Variants in ABCC11 observed in about 807,000 individuals in gnomAD.
ABCC11 encodes the protein ATP-binding cassette sub-family C member 11.
Under a neutral mutation model 149.3 loss-of-function variants are expected in ABCC11, and 135 were observed. The ratio of observed to expected loss-of-function variants is 0.90; its 90% CI spans 0.79 to 1.04. The LOEUF is 1.04. Ranked by LOEUF, ABCC11 falls within the 50% of genes least tolerant of loss-of-function variation. ABCC11 has a pLI of 0.00. For missense variants in ABCC11, 1,680 were observed against 1,722.1 expected, an observed-to-expected ratio of 0.98 and a Z score of 0.43; for synonymous variants, 665 against 671.4, an observed-to-expected ratio of 0.99 and a Z score of 0.15.
chr16:48,232,021 G>C, intron 1 of ABCC11, 82 bp from the exon 2 acceptor site: 1 of 1,585,564 alleles, frequency 6.3e-7, no homozygotes, highest in Non-Finnish European at 8.6e-7. Flanking sequence ...AGCCAGAAGA[G>C]GGGGCACTAC....
Position 48,231,828 on chromosome 16 carries a change from T to C in ABCC11, c.94A>G (p.Ile32Val). ...DIGDDMVSGLIYKTYTLQDGP... is the reference protein window; with the variant it reads ...DIGDDMVSGLVYKTYTLQDGP... Reference sequence around the variant, plus strand: ...ATGCTAAGAGATCTACTTACATAAATAAGTCCTGAAACCATGTCATCGCCT... The same window carrying C: ...ATGCTAAGAGATCTACTTACATAAACAAGTCCTGAAACCATGTCATCGCCT... Residue 32 changes from isoleucine to valine, a missense_variant, in exon 2 of 30, where the codon ATT becomes GTT. Coordinates refer to ENST00000356608, the MANE Select transcript of ABCC11 (RefSeq NM_001370497.1). 1 of 1,614,066 alleles carries C rather than the reference T, an allele frequency of 6.2e-7. No homozygotes were observed. The highest frequency in any genetic ancestry group is 1.3e-5 in the African/African-American group (1 of 75,036).
At chr16:48,169,761 T>A (rs1965576396) in intron 28 of ABCC11, among the ~76,000 whole-genome samples, 2 of 105,340 alleles carry the variant, frequency 1.9e-5, no homozygotes, top group Non-Finnish European at 3.5e-5. Context: ...CACTGGGGCC[T>A]GTCGTGGGGT....
At chr16:48,223,471 G>T (rs996278277) in intron 5 of ABCC11, 1 of 153,638 alleles carries the variant, frequency 6.5e-6, no homozygotes, top group Non-Finnish European at 1.4e-5. Context: ...AAATGATGGA[G>T]AGTGGATCTA....
In ABCC11 at chr16:48,177,003, G is replaced by A; in HGVS notation, c.3459C>T (p.Asn1153=). The change falls in exon 25 of 30, where the codon AAC becomes AAT. Residue 1153 remains asparagine (N), a synonymous_variant. Coordinates refer to ENST00000356608, the MANE Select transcript of ABCC11 (RefSeq NM_001370497.1). ...TGATGCCGTGAAGCACGGTGGGTGTGTTGTCTCTGTATTTCATGTGATAAT... is the reference window on the plus strand; with the variant it reads ...TGATGCCGTGAAGCACGGTGGGTGTATTGTCTCTGTATTTCATGTGATAAT... ...FQDYHMKYRD[N]TPTVLHGINL... 1 of 1,614,154 alleles carries A rather than the reference G, an allele frequency of 6.2e-7. No homozygotes were observed. The highest frequency in any genetic ancestry group is 8.5e-7 in the Non-Finnish European group (1 of 1,180,036).
At chr16:48,216,390 A>G in intron 6 of ABCC11, 103 bp from the exon 7 acceptor site, 1 of 1,189,214 alleles carries the variant, frequency 8.4e-7, no homozygotes, top group Non-Finnish European at 1.2e-6. Flanking sequence ...AAGGCTTGAA[A>G]GGAAGGGTGG....
intron 15 of ABCC11, among the ~76,000 whole-genome samples, chr16:48,198,619 A>T (rs528855236): frequency 6.6e-6 from 1 of 152,208 alleles, no homozygotes. Flanking sequence ...GTACACGTAG[A>T]AGGATATACA....
chr16:48,213,627 A>C, intron 9 of ABCC11, 77 bp from the exon 10 acceptor site: 1 of 1,110,196 alleles, frequency 9.0e-7, no homozygotes, highest in Non-Finnish European at 1.3e-6. Flanking sequence ...CGCATCCCTG[A>C]GCCACATCCT....
In ABCC11 at chr16:48,230,508, C is replaced by G. The variant is rs760584264; in HGVS notation, c.165G>C (p.Arg55Ser). The G allele has an allele frequency of 6.2e-7, 1 of 1,612,614 alleles. No homozygotes were observed. The highest frequency in any genetic ancestry group is 8.5e-7 in the Non-Finnish European group (1 of 1,179,300). The change falls in exon 3 of 30, where the codon AGG becomes AGC. Residue 55 changes from arginine to serine, a missense_variant. Coordinates refer to ENST00000356608, the MANE Select transcript of ABCC11 (RefSeq NM_001370497.1). ...QQERNPEAPGRAAVPPWGKYD... is the reference protein window; with the variant it reads ...QQERNPEAPGSAAVPPWGKYD... Reference sequence around the variant, plus strand: ...ACTTCCCCCACGGTGGGACAGCTGCCCTCCCTGGAGCCTCAGGATTTCTCT... The same window carrying G: ...ACTTCCCCCACGGTGGGACAGCTGCGCTCCCTGGAGCCTCAGGATTTCTCT...
chr16:48,200,779 T>A lies in ABCC11; in HGVS notation c.1879-300A>T, dbSNP rs191367356. 2.4e-3 allele frequency among the ~76,000 whole-genome samples: 362 copies of A among 152,312 alleles called. 4 individuals carry two copies. Among genetic ancestry groups the A allele is most frequent in the East Asian group, 8.9e-3 (46 of 5,188 alleles). On this transcript the variant is annotated intron_variant, in intron 14 of 29. Coordinates refer to ENST00000356608, the MANE Select transcript of ABCC11 (RefSeq NM_001370497.1). ...GAATGAAGAGAGGTTGGCTGATGGA[T>A]ACAAACATCAAGTTAGATAGAAAGA... is the stretch of plus-strand genomic sequence containing the variant.
At chr16:48,226,365 C>T (rs918606856) in intron 4 of ABCC11, among the ~76,000 whole-genome samples, 3 of 150,876 alleles carry the variant, frequency 2.0e-5, no homozygotes, top group Non-Finnish European at 2.9e-5. Context: ...AGCTCTGCCT[C>T]CTGGGTTCAC....
Position 48,230,487 on chromosome 16 carries a change from C to T in ABCC11, c.186G>A (p.Gly62=), listed in dbSNP as rs773819798. 1 of 1,612,370 alleles carries T rather than the reference C, an allele frequency of 6.2e-7. No homozygotes were observed. Among genetic ancestry groups the T allele is most frequent in the Non-Finnish European group, 8.5e-7 (1 of 1,179,164 alleles). The change falls in exon 3 of 30, where the codon GGG becomes GGA. Residue 62 remains glycine (G), a synonymous_variant. Transcript: ENST00000356608. ...APGRAAVPPW[G]KYDAALRTMI... is the part of the protein sequence containing the mutation. ...TGGTTCTCAAGGCAGCATCATACTT[C>T]CCCCACGGTGGGACAGCTGCCCTCC...
rs1180632946 is a variant in ABCC11 at position 48,205,616 on chromosome 16, A to C, written c.1681-79T>G. 11 of 1,553,820 alleles carry C rather than the reference A, an allele frequency of 7.1e-6. No individual in the cohort carries two copies. The Admixed American group carries it at 1.1e-4, about 16-fold the overall frequency. On this transcript the variant is annotated intron_variant, in intron 12 of 29. Transcript: ENST00000356608. ...GCCTGGCTCAGCAGGCACAGTGCCC[A>C]GGGCCCCACTGCCCTCCAGGACCTT... is the stretch of plus-strand genomic sequence containing the variant.
intron 14 of ABCC11, 21 bp downstream of exon 14, chr16:48,203,207 G>T (rs1596753736): frequency 6.4e-7 from 1 of 1,553,598 alleles, no homozygotes; most frequent in Non-Finnish European, 8.7e-7. Context: ...CACAGAGAAG[G>T]CAGGCTCGCC....
intron 19 of ABCC11, among the ~76,000 whole-genome samples, chr16:48,193,446 C>G (rs2150790034): frequency 6.6e-6 from 1 of 152,278 alleles, no homozygotes; most frequent in African/African-American, 2.4e-5. Flanking sequence ...AAAATGGAGA[C>G]AGTGGAACCT....
chr16:48,197,550 C>T (rs576545058), intron 17 of ABCC11, among the ~76,000 whole-genome samples: 1 of 152,360 alleles, frequency 6.6e-6, no homozygotes, highest in East Asian at 1.9e-4. Context: ...CTGCCCCAGA[C>T]AAGAGCAAAG....
intron 23 of ABCC11, 106 bp from the exon 24 acceptor site, chr16:48,178,792 G>A: frequency 2.1e-6 from 2 of 942,344 alleles, no homozygotes; most frequent in South Asian, 3.0e-5. Context: ...AGTGACCCCT[G>A]AAACTAAGAT....
chr16:48,192,755 G>A lies in ABCC11; in HGVS notation c.2509-38C>T, dbSNP rs546240600. The A allele has an allele frequency of 6.6e-5, 106 of 1,599,334 alleles. No individual in the cohort carries two copies. The South Asian group carries it at 8.4e-4, about 13-fold the overall frequency. On this transcript the variant is annotated intron_variant, in intron 19 of 29. Transcript: ENST00000356608. ...ACAGGGGGTCTGACTGCAGGTGTCC[G>A]GGGGAAATTCAGTGGCAGGGAAAGC...
intron 18 of ABCC11, among the ~76,000 whole-genome samples, chr16:48,194,699 A>G (rs971136416): frequency 9.9e-5 from 15 of 152,270 alleles, no homozygotes; most frequent in Admixed American, 3.9e-4. Flanking sequence ...TCACCATGTA[A>G]GGATACAACA....
At position 48,198,061 on chromosome 16, in the gene ABCC11, A is replaced by G; in HGVS notation, c.2224T>C (p.Leu742=). The G allele has an allele frequency of 6.2e-7, 1 of 1,614,184 alleles. No individual in the cohort carries two copies. Among genetic ancestry groups the G allele is most frequent in the Non-Finnish European group, 8.5e-7 (1 of 1,180,028 alleles). ...TCTGCTATCTTTGCTGTGTCCTGCA[A>G]CATGTCCTGGGGAGAGAGCACAGGC... ...KMHKEATSDM[L]QDTAKIAEKP... is the part of the protein sequence containing the mutation. Residue 742 remains leucine, a synonymous_variant, in exon 17 of 30, where the codon TTG becomes CTG. Coordinates refer to ENST00000356608, the MANE Select transcript of ABCC11 (RefSeq NM_001370497.1).
Sources: gnomAD v4.1 joint callset for allele counts (sites outside exome capture counted in the v4.1 genomes callset) on GRCh38, gnomAD v4.1.1 for gene constraint, MANE v1.5 for transcripts, NCBI Gene and HGNC (gene_info 2026-07-23, HGNC 2026-07-21) for gene names.